FOXK2: variants seen among roughly 807,000 people sequenced by gnomAD.
The protein encoded by FOXK2 is forkhead box protein K2.
Under a neutral mutation model 53.3 loss-of-function variants are expected in FOXK2, and 24 were observed. The ratio of observed to expected loss-of-function variants is 0.45; its 90% CI spans 0.33 to 0.63. The LOEUF (loss-of-function observed/expected upper bound fraction) is 0.63, where lower values mean the gene tolerates loss of function less well. Ranked by LOEUF, FOXK2 falls within the 30% of genes least tolerant of loss-of-function variation. FOXK2 has a pLI of 0.03. For synonymous variants in FOXK2, 505 were observed against 407.1 expected (o/e 1.24, Z -2.89); for missense variants, 952 against 910.5 (o/e 1.05, Z -0.59).
In FOXK2 at chr17:82,568,094, T is replaced by C; in HGVS notation, c.655T>C (p.Ser219Pro). ...SCPSSPRGAGSSGYKVGRVMP... is the reference protein window; with the variant it reads ...SCPSSPRGAGPSGYKVGRVMP... ...CCCCTCCAGCCCCCGGGGAGCGGGG[T>C]CTTCAGGGTACAAGGTGGGCCGAGT... The change falls in exon 3 of 9, where the codon TCT (serine) becomes CCT (proline). Residue 219 changes from serine (S) to proline (P), a missense_variant. Ser to Pro is a moderately conservative substitution (Grantham distance 74, BLOSUM62 -1). Around this residue, in one of 5 missense-constraint regions of FOXK2, gnomAD observed 160 missense variants for 214.2 expected, o/e 0.75. Transcript: ENST00000335255. The C allele has an allele frequency of 1.2e-6, 2 of 1,612,470 alleles. No individual in the cohort carries two copies. The highest frequency in any genetic ancestry group is 8.5e-7 in the Non-Finnish European group (1 of 1,179,660).
rs1255013743 is a variant in FOXK2 at position 82,586,123 on chromosome 17, C to G, written c.1499C>G (p.Ala500Gly). 5 of 1,612,572 alleles carry G rather than the reference C, an allele frequency of 3.1e-6. No homozygotes were observed. The highest frequency in any genetic ancestry group is 4.2e-6 in the Non-Finnish European group (5 of 1,179,920). Residue 500 changes from alanine (A) to glycine (G), a missense_variant, in exon 7 of 9, where the codon GCT becomes GGT. Ala to Gly is a moderately conservative substitution (Grantham distance 60). Around this residue, in one of 5 missense-constraint regions of FOXK2, gnomAD observed 551 missense variants for 385.1 expected, o/e 1.43. Coordinates refer to ENST00000335255, the MANE Select transcript of FOXK2 (RefSeq NM_004514.4). ...AACACGTACACTGTCTCTGGACAAGCTGTGGTCACCCCGGCAGCCGTGCTG... is the reference window on the plus strand; with the variant it reads ...AACACGTACACTGTCTCTGGACAAGGTGTGGTCACCCCGGCAGCCGTGCTG... ...PANTYTVSGQ[A>G]VVTPAAVLAP...
At chr17:82,567,699 G>A (rs2044867281) in intron 2 of FOXK2, among the ~76,000 whole-genome samples, 1 of 151,032 alleles carries the variant, frequency 6.6e-6, no homozygotes, top group Non-Finnish European at 1.5e-5. Flanking sequence ...TGCCTATCTT[G>A]TGTCACTTTG....
chr17:82,553,978 C>T (rs1351572972), intron 1 of FOXK2, among the ~76,000 whole-genome samples: 3 of 152,094 alleles, frequency 2.0e-5, no homozygotes, highest in African/African-American at 7.2e-5. Flanking sequence ...GGACTACAGG[C>T]GCCCACCACC....
Position 82,563,608 on chromosome 17 carries a change from C to T in FOXK2, c.614+60C>T, listed in dbSNP as rs1019835437. On this transcript the variant is annotated intron_variant, in intron 2 of 8. Transcript: ENST00000335255. ...TAGTCCCAGTGGCAGCCCCAAGTAA[C>T]GCCTTTCTCCTTCCCTGGTGCTGAC... The T allele has an allele frequency of 2.4e-5, 35 of 1,465,894 alleles. 1 individual carries two copies. Among genetic ancestry groups the T allele is most frequent in the Middle Eastern group, 2.0e-4 (1 of 5,080 alleles). The allele number at this position is 1,465,894 out of a possible 1,614,324, so 90.8% of individuals were successfully genotyped here.
At chr17:82,576,856 T>C (rs1337720039) in intron 4 of FOXK2, 4 of 529,832 alleles carry the variant, frequency 7.5e-6, no homozygotes, top group Admixed American at 2.9e-5. Context: ...CAATATATTT[T>C]TCTACCAAAA....
intron 8 of FOXK2, chr17:82,593,326 G>GCA (rs1317167377): frequency 6.6e-6 from 1 of 152,118 alleles, no homozygotes; most frequent in Admixed American, 6.5e-5. Flanking sequence ...TATTCTGAAA[G>GCA]GGTACGCAGC....
chr17:82,575,207 G>T (rs1028446854), intron 4 of FOXK2, among the ~76,000 whole-genome samples: 1 of 152,096 alleles, frequency 6.6e-6, no homozygotes, highest in South Asian at 2.1e-4. Context: ...TGCTCCTGCC[G>T]GGCTGGACCA....
At chr17:82,523,264 G>A (rs975667586) in intron 1 of FOXK2, among the ~76,000 whole-genome samples, 1 of 152,182 alleles carries the variant, frequency 6.6e-6, no homozygotes, top group African/African-American at 2.4e-5. Flanking sequence ...CCCGTACTGA[G>A]TACACAAGGG....
At chr17:82,521,169 A>T (rs2044357969) in intron 1 of FOXK2, among the ~76,000 whole-genome samples, 1 of 151,962 alleles carries the variant, frequency 6.6e-6, no homozygotes. Flanking sequence ...ACAAACTGGA[A>T]TTTTTTTGTT....
At chr17:82,601,017 G>A (rs1397519579) in intron 8 of FOXK2, 4 of 386,038 alleles carry the variant, frequency 1.0e-5, no homozygotes, top group Middle Eastern at 7.2e-4. Flanking sequence ...CAAAGATGAT[G>A]CCAGCTGTTA....
intron 8 of FOXK2, chr17:82,600,379 A>T (rs1305129001): frequency 6.6e-6 from 1 of 152,272 alleles, no homozygotes; most frequent in African/African-American, 2.4e-5. Context: ...GGAAAGAGTC[A>T]GTGCTGGATT....
At chr17:82,529,364 AG>A (rs1179863171) in intron 1 of FOXK2, among the ~76,000 whole-genome samples, 1 of 148,994 alleles carries the variant, frequency 6.7e-6, no homozygotes, top group African/African-American at 2.5e-5. Context: ...CTGGAATTAC[AG>A]GCACGTGCCA....
At chr17:82,532,522 ATTT>A (rs143535500) in intron 1 of FOXK2, among the ~76,000 whole-genome samples, 31 of 151,864 alleles carry the variant, frequency 2.0e-4, no homozygotes, top group African/African-American at 7.2e-4. Context: ...ACATACTATA[ATTT>A]TTTTTTACTT....
chr17:82,581,514 C>T (rs541130151), intron 4 of FOXK2, among the ~76,000 whole-genome samples: 2 of 140,814 alleles, frequency 1.4e-5, no homozygotes, highest in South Asian at 2.3e-4. Flanking sequence ...CTTACTCTGT[C>T]GCCCAGGCTG....
At position 82,601,852 on chromosome 17, in the gene FOXK2, G is replaced by A. The variant is rs1317971826; in HGVS notation, c.*353G>A. On this transcript the variant is annotated 3_prime_UTR_variant, in exon 9 of 9. Transcript: ENST00000335255. Reference sequence around the variant, plus strand: ...GTCTCCCAAGACTAGGCCTCAGGACGCGGGGGGAGCCATCCCCGCCGCCCT... The same window carrying A: ...GTCTCCCAAGACTAGGCCTCAGGACACGGGGGGAGCCATCCCCGCCGCCCT... 2.9e-5 allele frequency: 6 copies of A among 204,738 alleles called. No individual in the cohort carries two copies. Among genetic ancestry groups the A allele is most frequent in the East Asian group, 1.0e-4 (1 of 9,648 alleles). 12.7% of individuals were successfully genotyped at this position (204,738 alleles called of 1,614,324 possible).
intron 1 of FOXK2, among the ~76,000 whole-genome samples, chr17:82,560,058 T>G (rs1397899817): frequency 6.9e-6 from 1 of 144,396 alleles, no homozygotes. Flanking sequence ...CTGGCTGGAG[T>G]GCAGTGGCAG....
Position 82,594,495 on chromosome 17 carries a change from CAAAA to C in FOXK2, c.1787-6791_1787-6788del, listed in dbSNP as rs67410458. On this transcript the variant is annotated intron_variant, in intron 8 of 8. Transcript: ENST00000335255. ...CCTGGGCGACAGAGCGAGACTGTCT[CAAAA>C]AAAAAAAAAAAAAAAATGCTCCAGA... Among the ~76,000 whole-genome samples, 649 of 116,660 alleles carry C rather than the reference CAAAA, an allele frequency of 5.6e-3. 1 individual carries two copies. The highest frequency in any genetic ancestry group is 8.4e-3 in the Non-Finnish European group (471 of 55,806). The allele number at this position is 116,660 out of a possible 152,430, so 76.5% of individuals were successfully genotyped here.
At chr17:82,522,285 G>A (rs939099064) in intron 1 of FOXK2, among the ~76,000 whole-genome samples, 1 of 151,686 alleles carries the variant, frequency 6.6e-6, no homozygotes, top group Non-Finnish European at 1.5e-5. Flanking sequence ...TTGCACCACT[G>A]CATTCCAGGC....
chr17:82,584,274 C>G (rs992963459), intron 6 of FOXK2, 86 bp downstream of exon 6: 36 of 1,382,550 alleles, frequency 2.6e-5, no homozygotes, highest in Non-Finnish European at 3.4e-5. Flanking sequence ...AACAGCCGGA[C>G]TGGAGGCCTG....
Sources: gnomAD v4.1 joint callset for allele counts (sites outside exome capture counted in the v4.1 genomes callset) on GRCh38, gnomAD v4.1.1 for gene constraint, gnomAD v4.1.1 regional missense constraint, MANE v1.5 for transcripts, NCBI Gene and HGNC (gene_info 2026-07-23, HGNC 2026-07-21) for gene names.